The following SRPK2 variants were observed in gnomAD, a reference collection of about 807,000 sequenced individuals.
SRPK2 encodes SFRS protein kinase 2.
Under a neutral mutation model 90.8 loss-of-function variants are expected in SRPK2, and 21 were observed. That is an observed-to-expected ratio of 0.23 (90% CI 0.16 to 0.33). SRPK2 has a LOEUF of 0.33. Ranked by LOEUF, SRPK2 falls within the 10% of genes least tolerant of loss-of-function variation. The pLI is 1.00. For synonymous variants in SRPK2, 288 were observed against 311.1 expected (o/e 0.93, Z 0.78); for missense variants, 620 against 869.0 (o/e 0.71, Z 3.60).
In SRPK2 at chr7:105,388,872, C is replaced by T. The variant is rs1285403981; in HGVS notation, c.-66G>A. Reference sequence around the variant, plus strand: ...GACGCGGGCGCCGAGACGAGCTGGGCTGCAGCCTCCACTCGCTCCGCCGGC... The same window carrying T: ...GACGCGGGCGCCGAGACGAGCTGGGTTGCAGCCTCCACTCGCTCCGCCGGC... On this transcript the variant is annotated 5_prime_UTR_variant, in exon 1 of 16. Coordinates refer to ENST00000393651, the MANE Select transcript of SRPK2 (RefSeq NM_182692.3). The T allele has an allele frequency of 6.3e-6, 8 of 1,275,414 alleles. No homozygotes were observed. The South Asian group carries it at 1.3e-4, about 21-fold the overall frequency. 79.0% of individuals were successfully genotyped at this position (1,275,414 alleles called of 1,614,324 possible).
intron 2 of SRPK2, among the ~76,000 whole-genome samples, chr7:105,275,044 C>T (rs1198076624): frequency 2.0e-5 from 3 of 152,082 alleles, no homozygotes; most frequent in South Asian, 2.1e-4. Flanking sequence ...CCCGCCACCA[C>T]GCCTGACAAA....
intron 2 of SRPK2, among the ~76,000 whole-genome samples, chr7:105,333,286 AC>A (rs1814667142): frequency 6.6e-6 from 1 of 152,236 alleles, no homozygotes; most frequent in Non-Finnish European, 1.5e-5. Flanking sequence ...GGAAATTATA[AC>A]AATATAGGTT....
intron 13 of SRPK2, among the ~76,000 whole-genome samples, chr7:105,128,402 G>A (rs968396174): frequency 2.0e-5 from 3 of 152,120 alleles, no homozygotes; most frequent in East Asian, 1.9e-4. Flanking sequence ...CCCTTATGTA[G>A]GGCCTCTCCT....
intron 2 of SRPK2, among the ~76,000 whole-genome samples, chr7:105,355,327 C>G (rs1448740022): frequency 6.6e-6 from 1 of 151,410 alleles, no homozygotes; most frequent in Non-Finnish European, 1.5e-5. Context: ...AAGACCTCAT[C>G]TCTACGAAAA....
In SRPK2 at chr7:105,117,861, G is replaced by A. The variant is rs770972265; in HGVS notation, c.2077C>T (p.Arg693Trp). Residue 693 changes from arginine (R) to tryptophan (W), a missense_variant, in exon 16 of 16, where the codon CGG (arginine) becomes TGG (tryptophan). By Grantham distance (101) the Arg-to-Trp change is moderately radical. Around this residue, in one of 8 missense-constraint regions of SRPK2, gnomAD observed 71 missense variants for 123.1 expected, o/e 0.58. Coordinates refer to ENST00000393651, the MANE Select transcript of SRPK2 (RefSeq NM_182692.3). Reference sequence around the variant, plus strand: ...TGCTAAGAATTCAACCAAGGATGCCGAAGGCATTCGCCAGCTGAGGCTCGT... The same window carrying A: ...TGCTAAGAATTCAACCAAGGATGCCAAAGGCATTCGCCAGCTGAGGCTCGT... ...EKRASAGECL[R>W]HPWLNS 11 of 1,612,960 alleles carry A rather than the reference G, an allele frequency of 6.8e-6. No individual in the cohort carries two copies. The highest frequency in any genetic ancestry group is 2.2e-5 in the East Asian group (1 of 44,872).
intron 2 of SRPK2, among the ~76,000 whole-genome samples, chr7:105,312,054 G>C (rs146741575): frequency 1.8e-3 from 268 of 152,164 alleles, no homozygotes; most frequent in African/African-American, 6.1e-3. Flanking sequence ...GCTACAACAT[G>C]GATGGACACT....
intron 2 of SRPK2, chr7:105,244,511 T>C (rs992856252): frequency 1.7e-5 from 8 of 466,772 alleles, no homozygotes; most frequent in African/African-American, 1.2e-4. Flanking sequence ...GAGGCGGAGC[T>C]TGCAGTGAGC....
At chr7:105,220,930 T>G (rs1487063810) in intron 2 of SRPK2, among the ~76,000 whole-genome samples, 1 of 152,170 alleles carries the variant, frequency 6.6e-6, no homozygotes, top group Non-Finnish European at 1.5e-5. Context: ...ATACAATAAT[T>G]TTTTGGTACT....
intron 7 of SRPK2, among the ~76,000 whole-genome samples, chr7:105,159,856 A>G (rs1025385521): frequency 2.0e-5 from 3 of 152,192 alleles, no homozygotes; most frequent in African/African-American, 7.2e-5. Context: ...GACAATAAAA[A>G]CTGAATATAT....
chr7:105,131,493 C>T (rs1279296272), intron 13 of SRPK2, among the ~76,000 whole-genome samples: 1 of 152,116 alleles, frequency 6.6e-6, no homozygotes. Flanking sequence ...ATAATTTAAA[C>T]GTTATTGTCT....
chr7:105,301,964 T>C, intron 2 of SRPK2: 4 of 1,609,120 alleles, frequency 2.5e-6, no homozygotes, highest in Non-Finnish European at 3.4e-6. Context: ...AGAATAACTT[T>C]CAAAAGCCCA....
rs144764164 is a variant in SRPK2 at position 105,177,818 on chromosome 7, C to T, written c.230-8553G>A. On this transcript the variant is annotated intron_variant, in intron 3 of 15. Coordinates refer to ENST00000393651, the MANE Select transcript of SRPK2 (RefSeq NM_182692.3). ...CGGGCGGATCACAAGATCAGGAGAT[C>T]GAGACCACCCTGGCTAACACGGTGA... 3.2e-3 allele frequency among the ~76,000 whole-genome samples: 487 copies of T among 152,116 alleles called. 14 individuals carry two copies. In the East Asian group the frequency reaches 0.062, roughly 19 times the overall value.
intron 2 of SRPK2, among the ~76,000 whole-genome samples, chr7:105,362,840 T>G (rs1585892953): frequency 6.6e-6 from 1 of 152,138 alleles, no homozygotes; most frequent in African/African-American, 2.4e-5. Context: ...ATGTGGCACA[T>G]ATACACCACG....
In SRPK2 at chr7:105,117,704, G is replaced by A; in HGVS notation, c.*134C>T. 1 of 959,872 alleles carries A rather than the reference G, an allele frequency of 1.0e-6. No individual in the cohort carries two copies. Among genetic ancestry groups the A allele is most frequent in the Non-Finnish European group, 1.5e-6 (1 of 647,840 alleles). 59.5% of individuals were successfully genotyped at this position (959,872 alleles called of 1,614,324 possible). A position where few individuals can be genotyped will look rare whatever the true frequency, so the allele number is the denominator to read the frequency against. ...ACAAAAAGCAAAATGTCAAACAACAGTACCTCAAAGCAAAATAAAGGTCTG... is the reference window on the plus strand; with the variant it reads ...ACAAAAAGCAAAATGTCAAACAACAATACCTCAAAGCAAAATAAAGGTCTG... On this transcript the variant is annotated 3_prime_UTR_variant, in exon 16 of 16. Transcript: ENST00000393651.
intron 2 of SRPK2, among the ~76,000 whole-genome samples, chr7:105,207,004 G>C (rs759284860): frequency 6.6e-6 from 1 of 152,164 alleles, no homozygotes; most frequent in Non-Finnish European, 1.5e-5. Context: ...GAAAGTCTCA[G>C]TTCAATGTAA....
At chr7:105,189,187 C>G (rs909803827) in intron 3 of SRPK2, 15 of 154,824 alleles carry the variant, frequency 9.7e-5, no homozygotes, top group African/African-American at 3.4e-4. Context: ...GCCACTCGCC[C>G]GCACCACAGC....
intron 2 of SRPK2, among the ~76,000 whole-genome samples, chr7:105,213,058 A>C (rs1301383360): frequency 6.6e-6 from 1 of 152,182 alleles, no homozygotes; most frequent in Non-Finnish European, 1.5e-5. Flanking sequence ...CAAGGACTTG[A>C]GCATCCATGG....
chr7:105,334,831 G>C (rs1357303038), intron 2 of SRPK2, among the ~76,000 whole-genome samples: 1 of 122,260 alleles, frequency 8.2e-6, no homozygotes, highest in African/African-American at 3.4e-5. Flanking sequence ...CTGGGATACA[G>C]ACCAAAAAAA....
intron 5 of SRPK2, 94 bp downstream of exon 5, chr7:105,167,914 C>T: frequency 8.8e-7 from 1 of 1,130,260 alleles, no homozygotes. Flanking sequence ...CCCAGCCAAA[C>T]TTGACTTTAA....
Sources: allele counts gnomAD v4.1 joint callset (sites outside exome capture counted in the v4.1 genomes callset), GRCh38; gene constraint gnomAD v4.1.1; regional missense constraint gnomAD v4.1.1; transcripts MANE v1.5; gene names NCBI Gene and HGNC (gene_info 2026-07-23, HGNC 2026-07-21).